Variants in TASOR2 observed in about 807,000 individuals in gnomAD.
TASOR2 encodes protein TASOR 2.
In TASOR2, 84 loss-of-function variants were observed where a neutral mutation model predicts 199.5. The ratio of observed to expected loss-of-function variants is 0.42; its 90% CI spans 0.35 to 0.50. The LOEUF (loss-of-function observed/expected upper bound fraction) is 0.50. TASOR2 is among the 20% of genes least tolerant of loss of function. The probability of loss-of-function intolerance (pLI) is 0.02; values close to 1 mark genes in which losing one functional copy is unlikely to be tolerated. For synonymous variants in TASOR2, 1,103 were observed against 1,046.6 expected (o/e 1.05, Z -1.04); for missense variants, 2,796 against 2,835.9 (o/e 0.99, Z 0.32).
chr10:5,739,594 T>TC (rs749031040), intron 12 of TASOR2, 24 bp from the exon 14 acceptor site: 12 of 1,420,148 alleles, frequency 8.4e-6, no homozygotes, highest in Middle Eastern at 1.9e-4. Flanking sequence ...AACATCTCTC[T>TC]TTTTTTTTTC....
rs563991746 is a variant in TASOR2 at position 5,742,140 on chromosome 10, C to T, written c.2371C>T (p.Leu791Phe). ...GCCTGATAATGTGGAAGAAGTGAAG[C>T]TTTTACTTCATATGTGGGTAGCTCT... Residue 791 changes from leucine to phenylalanine, a missense_variant, in exon 14 of 21, where the codon CTT (leucine) becomes TTT (phenylalanine). Leu to Phe is a conservative substitution (Grantham distance 22). Coordinates refer to ENST00000328090, the Ensembl canonical transcript of TASOR2. This position sits in a 1 kb window ranked among gnomAD's most constrained non-coding sequence, Gnocchi z 4.2. The T allele has an allele frequency of 4.3e-6, 7 of 1,614,112 alleles. No homozygotes were observed. In the East Asian group the frequency reaches 1.1e-4, roughly 26 times the overall value.
exon 11 of TASOR2, chr10:5,731,085 A>G (rs746335666): frequency 1.2e-6 from 2 of 1,614,016 alleles, no homozygotes; most frequent in Admixed American, 3.3e-5. Context: ...TGCAGAGTAA[A>G]AAGGTGAACT....
exon 13 of TASOR2, chr10:5,739,864 A>T: frequency 6.2e-7 from 1 of 1,614,234 alleles, no homozygotes; most frequent in South Asian, 1.1e-5. Context: ...GAATTGCCAC[A>T]AAATGATGTT....
exon 15 of TASOR2, chr10:5,749,704 C>T: frequency 3.1e-6 from 5 of 1,614,196 alleles, no homozygotes; most frequent in Non-Finnish European, 4.2e-6. Context: ...CCTCAACAAA[C>T]TGAAATACAA....
intron 6 of TASOR2, 109 bp from the exon 8 acceptor site, chr10:5,723,566 GTC>G: frequency 1.8e-6 from 1 of 550,840 alleles, no homozygotes; most frequent in Non-Finnish European, 3.1e-6. Context: ...TCAACTTAAG[GTC>G]TTTTTTGTGG....
chr10:5,762,526 T>TTTTTTAAAAAA lies in TASOR2; in HGVS notation c.7175-6_7175-5insTTTTTAAAAAA. ...ACCAAAAGTTGTTTTTTTTTTTTTT[T>TTTTTTAAAAAA]AACAGACAAGCCTACTATCCCCAGA... is the stretch of plus-strand genomic sequence containing the variant. On this transcript the variant is annotated splice_region_variant and splice_polypyrimidine_tract_variant and intron_variant, in intron 19 of 20. Coordinates refer to ENST00000328090, the Ensembl canonical transcript of TASOR2. 2 of 699,658 alleles carry TTTTTTAAAAAA rather than the reference T, an allele frequency of 2.9e-6. No homozygotes were observed. 43.3% of individuals were successfully genotyped at this position (699,658 alleles called of 1,614,324 possible).
chr10:5,744,627 G>C (rs1257069123), intron 14 of TASOR2, among the ~76,000 whole-genome samples: 1 of 151,988 alleles, frequency 6.6e-6, no homozygotes, highest in Non-Finnish European at 1.5e-5. Context: ...TGGTTTGTTT[G>C]TTTTGTTTTG....
At chr10:5,693,517 G>C (rs991290553) in intron 1 of TASOR2, among the ~76,000 whole-genome samples, 7 of 151,928 alleles carry the variant, frequency 4.6e-5, no homozygotes, top group Admixed American at 3.3e-4. Context: ...TTGTTTTCTG[G>C]GTCTCTGTTT....
At position 5,719,538 on chromosome 10, in the gene TASOR2, T is replaced by C. The variant is rs1833092377; in HGVS notation, c.-99-1006T>C. 6.6e-6 allele frequency among the ~76,000 whole-genome samples: 1 copy of C among 152,096 alleles called. No homozygotes were observed. The highest frequency in any genetic ancestry group is 2.4e-5 in the African/African-American group (1 of 41,420). On this transcript the variant is annotated intron_variant, in intron 3 of 20. Coordinates refer to ENST00000328090, the Ensembl canonical transcript of TASOR2. The surrounding 1 kb of genome is among the most constrained non-coding windows in gnomAD (Gnocchi z 4.1). ...TTTTGTATTTTTAGTAAAGGCAGGG[T>C]TTCACCATGTTGGCCAGGATGGTCT...
At chr10:5,731,576 G>A (rs1200780156) in intron 11 of TASOR2, among the ~76,000 whole-genome samples, 1 of 152,196 alleles carries the variant, frequency 6.6e-6, no homozygotes. Context: ...CTTGGTCCCT[G>A]TGGACTGCAG....
chr10:5,749,069 C>T, exon 15 of TASOR2: 1 of 1,614,120 alleles, frequency 6.2e-7, no homozygotes, highest in South Asian at 1.1e-5. Context: ...TGGGGCTGCT[C>T]TAGCTGGGTT....
intron 1 of TASOR2, among the ~76,000 whole-genome samples, chr10:5,700,247 G>A (rs1365730974): frequency 1.3e-5 from 2 of 152,042 alleles, no homozygotes; most frequent in African/African-American, 2.4e-5. Context: ...AGTTGCATCA[G>A]TGTTGCTGAA....
rs1164217434 is a variant in TASOR2, at chr10:5,701,847, A to G, written c.-287-10976A>G. Among the ~76,000 whole-genome samples, 1 of 152,190 alleles carries G rather than the reference A, an allele frequency of 6.6e-6. No individual in the cohort carries two copies. Among genetic ancestry groups the G allele is most frequent in the Non-Finnish European group, 1.5e-5 (1 of 68,026 alleles). The stretch of plus-strand genomic sequence containing the variant: ...TTTACTGAATTTGTTTATCAGTTCT[A>G]ACAATTTTTTTGGTGGAGTCCAGGT... On this transcript the variant is annotated intron_variant, in intron 1 of 20. Coordinates refer to ENST00000328090, the Ensembl canonical transcript of TASOR2. This position sits in a 1 kb window ranked among gnomAD's most constrained non-coding sequence, Gnocchi z 4.9.
intron 2 of TASOR2, among the ~76,000 whole-genome samples, chr10:5,715,644 T>G (rs1832529259): frequency 6.7e-6 from 1 of 148,876 alleles, no homozygotes; most frequent in South Asian, 2.1e-4. Flanking sequence ...GCAGTTTTGG[T>G]TTTTTTTTTG....
Position 5,722,435 on chromosome 10 carries a change from G to A in TASOR2, c.147-1242G>A, listed in dbSNP as rs551786796. ...CGCGCCACTACACTCCAGCCTGGGC[G>A]ACAGAGTGAAACCTTATCTCAAAAA... On this transcript the variant is annotated intron_variant, in intron 6 of 20. Transcript: ENST00000328090. This position sits in a 1 kb window ranked among gnomAD's most constrained non-coding sequence, Gnocchi z 4.0. 2.1e-3 allele frequency among the ~76,000 whole-genome samples: 314 copies of A among 152,062 alleles called. 2 individuals are homozygous for A. Among genetic ancestry groups the A allele is most frequent in the Middle Eastern group, 0.01 (3 of 294 alleles).
At chr10:5,763,508 A>C (rs1185465510) in exon 21 of TASOR2, 1 of 152,600 alleles carries the variant, frequency 6.6e-6, no homozygotes, top group Admixed American at 6.5e-5. Flanking sequence ...ATTTTTTCCT[A>C]AATGGTACAA....
chr10:5,694,833 C>T (rs147372546), intron 1 of TASOR2, among the ~76,000 whole-genome samples: 30 of 152,152 alleles, frequency 2.0e-4, no homozygotes, highest in Middle Eastern at 3.4e-3. Flanking sequence ...CCCAGCTGCC[C>T]CTTTGTGGTT....
intron 14 of TASOR2, among the ~76,000 whole-genome samples, chr10:5,743,658 A>T (rs1238200540): frequency 6.6e-6 from 1 of 152,216 alleles, no homozygotes; most frequent in African/African-American, 2.4e-5. Flanking sequence ...TCACCACCTT[A>T]GAATAAGAAA....
exon 17 of TASOR2, chr10:5,757,564 T>C (rs1167239828): frequency 6.2e-7 from 1 of 1,612,382 alleles, no homozygotes; most frequent in African/African-American, 1.3e-5. Context: ...GTGTCATCTT[T>C]GCTGGAGTAG....
Sources: gnomAD v4.1 joint callset for allele counts (sites outside exome capture counted in the v4.1 genomes callset) on GRCh38, gnomAD v4.1.1 for gene constraint, Gnocchi (gnomAD v3.1) non-coding constraint, MANE v1.5 for transcripts, NCBI Gene and HGNC (gene_info 2026-07-23, HGNC 2026-07-21) for gene names.